Variants in SEPTIN12 observed in about 807,000 individuals in gnomAD.
SEPTIN12 encodes septin-12.
SEPTIN12 carries 42 observed loss-of-function variants against 37.7 expected under a neutral mutation model. The observed-to-expected ratio is 1.11, with a 90% CI of 0.87 to 1.44. SEPTIN12 has a LOEUF of 1.44. Among genes scored for constraint, SEPTIN12 ranks in the 40% most tolerant of loss-of-function variants. The pLI, the probability that SEPTIN12 is intolerant of heterozygous loss-of-function variation, is 0.00. For synonymous variants in SEPTIN12, 254 were observed against 196.7 expected, an observed-to-expected ratio of 1.29 and a Z score of -2.44; for missense variants, 613 against 479.2, an observed-to-expected ratio of 1.28 and a Z score of -2.61.
upstream of SEPTIN12, among the ~76,000 whole-genome samples, chr16:4,790,363 A>C (rs973571961): frequency 2.0e-5 from 3 of 152,228 alleles, no homozygotes; most frequent in Admixed American, 6.5e-5. Flanking sequence ...TATTCACAGA[A>C]GAAAGGTGGC....
In SEPTIN12 at chr16:4,786,024, C is replaced by T. The variant is rs1231832445; in HGVS notation, c.248G>A (p.Gly83Glu). 1.2e-6 allele frequency: 2 copies of T among 1,613,884 alleles called. No individual in the cohort carries two copies. Among genetic ancestry groups the T allele is most frequent in the Non-Finnish European group, 8.5e-7 (1 of 1,179,936 alleles). The stretch of plus-strand genomic sequence containing the variant: ...CTGCAGCGTCTGGGGTGTGGGCACC[C>T]CCAAGCCCGGTGGGTTTGACTTCCA... ...KVWKSNPPGL[G>E]VPTPQTLQLH... The change falls in exon 3 of 10, where the codon GGG becomes GAG. Residue 83 changes from glycine to glutamate, a missense_variant. Gly to Glu is a moderately conservative substitution (Grantham distance 98, BLOSUM62 -2). Transcript: ENST00000268231.
chr16:4,788,023 C>A (rs572462960), intron 1 of SEPTIN12: 33 of 217,918 alleles, frequency 1.5e-4, no homozygotes, highest in South Asian at 1.1e-3. Flanking sequence ...CCTGGAGGGG[C>A]TTCAGGGAGT....
At chr16:4,785,930 G>A (rs2082436311) in intron 3 of SEPTIN12, 42 bp from the exon 4 acceptor site, 1 of 1,610,870 alleles carries the variant, frequency 6.2e-7, no homozygotes, top group African/African-American at 1.3e-5. Flanking sequence ...GGACCCAGGT[G>A]GGATGGGGTG....
At position 4,783,589 on chromosome 16, in the gene SEPTIN12, C is replaced by G. The variant is rs761252548; in HGVS notation, c.631-32G>C. 7.8e-5 allele frequency: 125 copies of G among 1,612,226 alleles called. 1 individual carries two copies. The South Asian group carries it at 1.3e-3, about 17-fold the overall frequency. ...ATCCCACACAGGTGACCTCAGCCCACCCTGCCCACTCTGCCCTCTGCCCCC... is the reference window on the plus strand; with the variant it reads ...ATCCCACACAGGTGACCTCAGCCCAGCCTGCCCACTCTGCCCTCTGCCCCC... On this transcript the variant is annotated intron_variant, in intron 6 of 9. Transcript: ENST00000268231.
chr16:4,783,494 T>C lies in SEPTIN12; in HGVS notation c.694A>G (p.Ile232Val), dbSNP rs1386572291. ...VYPQMCFDED[I>V]NDKILNSKLR... is the part of the protein sequence containing the mutation. ...TTGCTGTTGAGGATTTTGTCATTGA[T>C]GTCCTCGTCAAAGCACATCTGGGGG... Residue 232 changes from isoleucine to valine, a missense_variant, in exon 7 of 10, where the codon ATC becomes GTC. Physicochemically the swap from Ile to Val is conservative, Grantham distance 29. Transcript: ENST00000268231. 1 of 1,614,180 alleles carries C rather than the reference T, an allele frequency of 6.2e-7. No homozygotes were observed. The highest frequency in any genetic ancestry group is 8.5e-7 in the Non-Finnish European group (1 of 1,180,032).
chr16:4,786,102 T>C lies in SEPTIN12; in HGVS notation c.170A>G (p.Gln57Arg), dbSNP rs2082440413. Residue 57 changes from glutamine (Q) to arginine (R), a missense_variant, in exon 3 of 10, where the codon CAA (glutamine) becomes CGA (arginine). Transcript: ENST00000268231. The part of the protein sequence containing the change: ...GFEFNIMVVG[Q>R]SGLGKSTMVN... Reference sequence around the variant, plus strand: ...CATCGTGGACTTGCCCAGCCCGCTTTGCCCTGGGAGTGGCAACCGGATGAC... The same window carrying C: ...CATCGTGGACTTGCCCAGCCCGCTTCGCCCTGGGAGTGGCAACCGGATGAC... The C allele has an allele frequency of 4.4e-6, 7 of 1,604,410 alleles. No individual in the cohort carries two copies. Among genetic ancestry groups the C allele is most frequent in the Non-Finnish European group, 6.0e-6 (7 of 1,173,778 alleles).
At chr16:4,786,405 A>G (rs2082446873) in intron 2 of SEPTIN12, among the ~76,000 whole-genome samples, 1 of 139,842 alleles carries the variant, frequency 7.2e-6, no homozygotes, top group Non-Finnish European at 1.5e-5. Context: ...CCCAGGCTGG[A>G]GCGCGATGGT....
upstream of SEPTIN12, among the ~76,000 whole-genome samples, chr16:4,790,561 G>A (rs1189237966): frequency 1.3e-5 from 2 of 152,280 alleles, no homozygotes; most frequent in East Asian, 3.9e-4. Context: ...AGGCCAAGGT[G>A]GGCAGATCAC....
chr16:4,781,645 ATT>A (rs35411843), intron 7 of SEPTIN12, among the ~76,000 whole-genome samples: 38 of 134,652 alleles, frequency 2.8e-4, no homozygotes, highest in Non-Finnish European at 2.4e-4. Context: ...ACAGTGCTTC[ATT>A]TTTTTTTTTT....
In SEPTIN12 at chr16:4,784,063, TC is replaced by T; in HGVS notation, c.379del (p.Asp127ThrfsTer61). 6.2e-7 allele frequency: 1 copy of T among 1,613,940 alleles called. No individual in the cohort carries two copies. The highest frequency in any genetic ancestry group is 8.5e-7 in the Non-Finnish European group (1 of 1,179,962). ...CTCGTTGATGTAGCCCAGGATGGGG[TC>T]CCAGCTGAGGCGGGAGGTGGACCCT... is the stretch of plus-strand genomic sequence containing the variant. The part of the protein sequence containing the change: ...GDQINNDNCW[D>X]PILGYINEQY... On this transcript the variant is annotated frameshift_variant, in exon 5 of 10. Coordinates refer to ENST00000268231, the MANE Select transcript of SEPTIN12 (RefSeq NM_144605.5). LOFTEE classifies it high-confidence loss of function.
chr16:4,786,704 C>T lies in SEPTIN12; in HGVS notation c.167-599G>A, dbSNP rs147406122. ...ACAGGGTCTCAATCTGTCACCCAGACTCAAGTGATCGCAGCTCACTGCAAC... is the reference window on the plus strand; with the variant it reads ...ACAGGGTCTCAATCTGTCACCCAGATTCAAGTGATCGCAGCTCACTGCAAC... On this transcript the variant is annotated intron_variant, in intron 2 of 9. Coordinates refer to ENST00000268231, the MANE Select transcript of SEPTIN12 (RefSeq NM_144605.5). Among the ~76,000 whole-genome samples, 68 of 152,008 alleles carry T rather than the reference C, an allele frequency of 4.5e-4. 1 individual carries two copies. Among genetic ancestry groups the T allele is most frequent in the African/African-American group, 1.6e-3 (67 of 41,434 alleles).
At chr16:4,781,215 C>T (rs530746434) in intron 7 of SEPTIN12, among the ~76,000 whole-genome samples, 3 of 150,560 alleles carry the variant, frequency 2.0e-5, no homozygotes, top group East Asian at 2.0e-4. Context: ...GCGGAGATCA[C>T]GCCACTATAC....
At chr16:4,788,443 G>C (rs1287910405), upstream of SEPTIN12, 1 of 152,448 alleles carries the variant, frequency 6.6e-6, no homozygotes, top group Non-Finnish European at 1.5e-5. Context: ...AGCAGGAGCA[G>C]GAGCTGTTAC....
chr16:4,779,634 T>G, intron 8 of SEPTIN12, 56 bp downstream of exon 8: 1 of 1,082,696 alleles, frequency 9.2e-7, no homozygotes, highest in South Asian at 1.2e-5. Flanking sequence ...TGCCCAAGGC[T>G]GCTCTGGTTT....
intron 2 of SEPTIN12, among the ~76,000 whole-genome samples, chr16:4,786,943 C>T (rs1456527830): frequency 3.9e-5 from 6 of 152,188 alleles, no homozygotes; most frequent in East Asian, 3.9e-4. Flanking sequence ...GGCGCAATCT[C>T]GGCTCACTAC....
At chr16:4,785,157 G>A (rs2082422608) in intron 4 of SEPTIN12, among the ~76,000 whole-genome samples, 2 of 152,096 alleles carry the variant, frequency 1.3e-5, no homozygotes, top group Admixed American at 1.3e-4. Context: ...GGCTGAGGCA[G>A]GAGAATTGCT....
chr16:4,789,561 C>T (rs951271862), upstream of SEPTIN12, among the ~76,000 whole-genome samples: 9 of 152,210 alleles, frequency 5.9e-5, no homozygotes, highest in East Asian at 1.9e-4. Flanking sequence ...CTCCTGATCT[C>T]GTGATCTGCC....
intron 4 of SEPTIN12, chr16:4,784,295 T>G: frequency 1.8e-6 from 1 of 547,626 alleles, no homozygotes; most frequent in East Asian, 3.1e-5. Flanking sequence ...ATGGAGACAA[T>G]AGTAGCACCT....
At chr16:4,786,787 A>C (rs1384575139) in intron 2 of SEPTIN12, among the ~76,000 whole-genome samples, 1 of 152,100 alleles carries the variant, frequency 6.6e-6, no homozygotes, top group African/African-American at 2.4e-5. Context: ...GCTGGGATTC[A>C]GGTGCATGTC....
Sources: gnomAD v4.1 joint callset for allele counts (sites outside exome capture counted in the v4.1 genomes callset) on GRCh38, gnomAD v4.1.1 for gene constraint, MANE v1.5 for transcripts, NCBI Gene and HGNC (gene_info 2026-07-23, HGNC 2026-07-21) for gene names.